Variants in DYM observed in about 807,000 individuals in gnomAD.
The protein encoded by DYM is dyggve-Melchior-Clausen syndrome protein.
A neutral mutation model predicts 93.1 loss-of-function variants in DYM; 78 were observed. That is an observed-to-expected ratio of 0.84 (90% CI 0.70 to 1.01). The LOEUF (loss-of-function observed/expected upper bound fraction) is 1.01, where lower values mean the gene tolerates loss of function less well. Ranked by LOEUF, DYM falls within the 50% of genes least tolerant of loss-of-function variation. DYM has a pLI of 0.00. For synonymous variants in DYM, 321 were observed against 319.7 expected, an observed-to-expected ratio of 1.00 and a Z score of -0.04; for missense variants, 789 against 845.0, an observed-to-expected ratio of 0.93 and a Z score of 0.82.
At chr18:49,356,266 A>G (rs2065555028) in intron 6 of DYM, among the ~76,000 whole-genome samples, 3 of 152,230 alleles carry the variant, frequency 2.0e-5, no homozygotes, top group Admixed American at 2.0e-4. Context: ...AATTAACAGC[A>G]GCATTCAGTA....
intron 5 of DYM, among the ~76,000 whole-genome samples, chr18:49,371,122 G>T (rs2067000457): frequency 6.6e-6 from 1 of 152,176 alleles, no homozygotes; most frequent in Non-Finnish European, 1.5e-5. Context: ...ATTGCTGCAG[G>T]ATGCTAACAT....
At chr18:49,244,705 A>T (rs990581270) in intron 13 of DYM, among the ~76,000 whole-genome samples, 1 of 152,078 alleles carries the variant, frequency 6.6e-6, no homozygotes, top group Non-Finnish European at 1.5e-5. Flanking sequence ...TTCACAGAAG[A>T]AGAAGAAGAA....
At chr18:49,231,400 T>C (rs951846568) in intron 13 of DYM, among the ~76,000 whole-genome samples, 2 of 152,100 alleles carry the variant, frequency 1.3e-5, no homozygotes, top group African/African-American at 4.8e-5. Flanking sequence ...CTGAAAATGA[T>C]TGCTTTAAAG....
At chr18:49,120,822 A>AT (rs1182044333) in intron 15 of DYM, among the ~76,000 whole-genome samples, 4 of 151,346 alleles carry the variant, frequency 2.6e-5, no homozygotes, top group East Asian at 1.9e-4. Flanking sequence ...GTCTTTCTTA[A>AT]TTTTTTTTTG....
intron 8 of DYM, among the ~76,000 whole-genome samples, chr18:49,313,070 G>A (rs1200957056): frequency 2.6e-5 from 4 of 152,154 alleles, no homozygotes; most frequent in Non-Finnish European, 5.9e-5. Flanking sequence ...ATAAGTCCGA[G>A]ACCTGCTGGA....
intron 2 of DYM, among the ~76,000 whole-genome samples, chr18:49,421,387 C>A (rs12454182): frequency 6.6e-6 from 1 of 152,106 alleles, no homozygotes; most frequent in Non-Finnish European, 1.5e-5. Context: ...AGGCAAACAG[C>A]GTCTGGAGTG....
chr18:49,348,179 A>G (rs1239479721), intron 6 of DYM, among the ~76,000 whole-genome samples: 2 of 152,214 alleles, frequency 1.3e-5, no homozygotes, highest in Non-Finnish European at 2.9e-5. Flanking sequence ...CCTTTTACTT[A>G]CTATTGGATA....
chr18:49,224,371 T>A (rs2093459965), intron 13 of DYM, among the ~76,000 whole-genome samples: 1 of 151,996 alleles, frequency 6.6e-6, no homozygotes, highest in South Asian at 2.1e-4. Context: ...GCTAAATGTA[T>A]GTTTGTGAGT....
intron 6 of DYM, among the ~76,000 whole-genome samples, chr18:49,349,431 A>T (rs1408476900): frequency 6.6e-6 from 1 of 152,214 alleles, no homozygotes; most frequent in Non-Finnish European, 1.5e-5. Context: ...ACATATAATG[A>T]TAAAGCAAAT....
intron 3 of DYM, among the ~76,000 whole-genome samples, chr18:49,382,101 C>T (rs1437706235): frequency 6.6e-6 from 1 of 151,964 alleles, no homozygotes; most frequent in Non-Finnish European, 1.5e-5. Context: ...TACTGAATGG[C>T]CTTGTAATTG....
intron 3 of DYM, among the ~76,000 whole-genome samples, chr18:49,391,203 C>G (rs4939867): frequency 6.6e-6 from 1 of 151,972 alleles, no homozygotes; most frequent in Admixed American, 6.6e-5. Context: ...GGATTCCATG[C>G]TCTTTGCCAT....
At chr18:49,106,369 T>C (rs1393086613) in intron 16 of DYM, among the ~76,000 whole-genome samples, 4 of 152,196 alleles carry the variant, frequency 2.6e-5, no homozygotes, top group African/African-American at 9.6e-5. Flanking sequence ...AATTTGCCAG[T>C]CTGTGTCTTT....
intron 11 of DYM, among the ~76,000 whole-genome samples, chr18:49,262,200 T>C (rs2094500433): frequency 2.0e-5 from 3 of 152,146 alleles, no homozygotes; most frequent in African/African-American, 7.2e-5. Flanking sequence ...GTGATGACAG[T>C]AGCAGAGACT....
intron 1 of DYM, among the ~76,000 whole-genome samples, chr18:49,435,062 G>A (rs1437622922): frequency 1.3e-5 from 2 of 150,860 alleles, no homozygotes; most frequent in Non-Finnish European, 2.9e-5. Flanking sequence ...ACAAAAATTA[G>A]CACAGCATGG....
intron 17 of DYM, among the ~76,000 whole-genome samples, chr18:49,066,512 C>T (rs754773349): frequency 6.6e-6 from 1 of 152,136 alleles, no homozygotes; most frequent in African/African-American, 2.4e-5. Flanking sequence ...TTAATTCTAC[C>T]ACTGATGGAC....
At position 49,406,890 on chromosome 18, in the gene DYM, C is replaced by G. The variant is rs143876958; in HGVS notation, c.141-15245G>C. Among the ~76,000 whole-genome samples, 118 of 152,324 alleles carry G rather than the reference C, an allele frequency of 7.7e-4. 1 individual carries two copies. The East Asian group carries it at 0.012, about 15-fold the overall frequency. On this transcript the variant is annotated intron_variant, in intron 2 of 17. Transcript: ENST00000675505. The stretch of plus-strand genomic sequence containing the variant: ...ACTTATGTTCACTCAAAAACTTGTA[C>G]ATGAATTTCATAGCAACTTTATTCA...
At chr18:49,317,592 TCTCTCCCCCCTCCC>T (rs2062055124) in intron 8 of DYM, among the ~76,000 whole-genome samples, 3 of 11,448 alleles carry the variant, frequency 2.6e-4, no homozygotes, top group Non-Finnish European at 1.6e-4. Context: ...TCTCTCTCTC[TCTCTCCCCCCTCCC>T]CCCTCCCTCC....
intron 2 of DYM, among the ~76,000 whole-genome samples, chr18:49,417,127 T>C (rs1030217892): frequency 6.6e-6 from 1 of 152,164 alleles, no homozygotes; most frequent in African/African-American, 2.4e-5. Context: ...TACCCATATG[T>C]ATAAGGTGGT....
At chr18:49,325,884 G>A (rs1330203381) in intron 8 of DYM, among the ~76,000 whole-genome samples, 2 of 152,128 alleles carry the variant, frequency 1.3e-5, no homozygotes, top group Non-Finnish European at 2.9e-5. Context: ...GGGAATACAC[G>A]AGGAGGGGTC....
Sources: allele counts gnomAD v4.1 joint callset (sites outside exome capture counted in the v4.1 genomes callset), GRCh38; gene constraint gnomAD v4.1.1; transcripts MANE v1.5; gene names NCBI Gene and HGNC (gene_info 2026-07-23, HGNC 2026-07-21).